Variants in CPEB1 observed in about 807,000 individuals in gnomAD.
The protein encoded by CPEB1 is cytoplasmic polyadenylation element-binding protein 1.
In CPEB1, 7 loss-of-function variants were observed where a neutral mutation model predicts 65.8. The ratio of observed to expected loss-of-function variants is 0.11; its 90% confidence interval spans 0.06 to 0.20. The LOEUF (loss-of-function observed/expected upper bound fraction) is 0.20. CPEB1 is among the 10% of genes least tolerant of loss of function. The probability of loss-of-function intolerance (pLI) is 1.00; values close to 1 mark genes in which losing one functional copy is unlikely to be tolerated. For synonymous variants in CPEB1, 262 were observed against 260.0 expected, an observed-to-expected ratio of 1.01 and a Z score of -0.08; for missense variants, 551 against 712.2, an observed-to-expected ratio of 0.77 and a Z score of 2.58.
chr15:82,605,406 G>A (rs918040572), intron 3 of CPEB1, among the ~76,000 whole-genome samples: 8 of 152,008 alleles, frequency 5.3e-5, no homozygotes, highest in Non-Finnish European at 1.2e-4. Flanking sequence ...GGGATAAGAA[G>A]GTATTGGTAA....
chr15:82,582,247 C>G (rs992699772), intron 3 of CPEB1, among the ~76,000 whole-genome samples: 1 of 152,116 alleles, frequency 6.6e-6, no homozygotes, highest in Non-Finnish European at 1.5e-5. Flanking sequence ...AAAGTAAGTT[C>G]TAATTTGGTG....
chr15:82,576,799 G>A (rs4779034), intron 3 of CPEB1, among the ~76,000 whole-genome samples: 29,633 of 152,162 alleles, frequency 0.19, 3,163 homozygotes, highest in African/African-American at 0.28. Context: ...AACGCAGGTG[G>A]ATAGCTTGAG....
chr15:82,594,557 C>T (rs2042530707), intron 3 of CPEB1, among the ~76,000 whole-genome samples: 1 of 152,104 alleles, frequency 6.6e-6, no homozygotes, highest in East Asian at 1.9e-4. Flanking sequence ...TCAAACTTTC[C>T]CATATCAGCA....
intron 10 of CPEB1, 52 bp from the exon 11 acceptor site, chr15:82,547,289 CTTTTTTTT>C (rs71156035): frequency 1.1e-4 from 42 of 390,344 alleles, no homozygotes; most frequent in Middle Eastern, 7.9e-4. Context: ...CCAAATGCTA[CTTTTTTTT>C]TTTTTTTTTT....
At chr15:82,626,872 AATTTT>A (rs2151316755) in intron 3 of CPEB1, among the ~76,000 whole-genome samples, 1 of 152,346 alleles carries the variant, frequency 6.6e-6, no homozygotes, top group African/African-American at 2.4e-5. Flanking sequence ...TCTGTATCTT[AATTTT>A]AACATGGCTA....
chr15:82,605,846 C>A (rs2043535304), intron 3 of CPEB1, among the ~76,000 whole-genome samples: 1 of 151,968 alleles, frequency 6.6e-6, no homozygotes, highest in Admixed American at 6.6e-5. Context: ...CGAGACCAGC[C>A]TGACCAACAT....
chr15:82,647,423 G>A (rs956743045), upstream of CPEB1: 7 of 157,056 alleles, frequency 4.5e-5, no homozygotes, highest in Non-Finnish European at 8.4e-5. Context: ...CCGCGCGCCG[G>A]GTGCTAAAGA....
intron 4 of CPEB1, among the ~76,000 whole-genome samples, chr15:82,567,657 G>C (rs1053961336): frequency 1.1e-4 from 17 of 151,784 alleles, no homozygotes; most frequent in African/African-American, 4.1e-4. Context: ...GAAAAGAAAA[G>C]AAAACCAGAG....
intron 3 of CPEB1, among the ~76,000 whole-genome samples, chr15:82,582,745 T>C (rs975972128): frequency 1.0e-4 from 15 of 145,656 alleles, no homozygotes; most frequent in Admixed American, 8.9e-4. Flanking sequence ...TTCTTTTTTT[T>C]TTTTTTTTTT....
intron 1 of CPEB1, among the ~76,000 whole-genome samples, chr15:82,640,456 T>A (rs769700314): frequency 1.3e-4 from 20 of 152,166 alleles, no homozygotes; most frequent in Admixed American, 4.6e-4. Flanking sequence ...GTACTTCTAG[T>A]TGCCTAAAAA....
chr15:82,548,525 G>A (rs2035679129), intron 10 of CPEB1: 1 of 274,398 alleles, frequency 3.6e-6, no homozygotes, highest in Admixed American at 5.1e-5. Flanking sequence ...AAGATGGGAA[G>A]GAAAGATAAG....
intron 4 of CPEB1, among the ~76,000 whole-genome samples, chr15:82,563,236 C>T (rs570353914): frequency 6.2e-4 from 94 of 151,896 alleles, no homozygotes; most frequent in African/African-American, 2.2e-3. Flanking sequence ...AAGGACATTA[C>T]TGGGTCACTT....
rs202088154 is a variant in CPEB1, at chr15:82,552,435, A to G, written c.1281+45T>C. The G allele has an allele frequency of 1.5e-3, 2,191 of 1,494,162 alleles. 24 individuals are homozygous for G. The South Asian group carries it at 0.021, about 14-fold the overall frequency. The allele number at this position is 1,494,162 out of a possible 1,614,324, so 92.6% of individuals were successfully genotyped here. A position where few individuals can be genotyped will look rare whatever the true frequency, so the allele number is the denominator to read the frequency against. ...TACCACAAGAAAATCCAGTGCCTCA[A>G]TATTCCAAGACCCTCGATCCAGAAA... On this transcript the variant is annotated intron_variant, in intron 9 of 12. Transcript: ENST00000684509.
chr15:82,560,809 G>A (rs2038066604), intron 4 of CPEB1, among the ~76,000 whole-genome samples: 2 of 152,226 alleles, frequency 1.3e-5, no homozygotes, highest in African/African-American at 4.8e-5. Flanking sequence ...AGGAACCAGT[G>A]TCCAGCAAAG....
intron 4 of CPEB1, among the ~76,000 whole-genome samples, 166 bp from the exon 5 acceptor site, chr15:82,558,152 C>T (rs1364352216): frequency 6.6e-6 from 1 of 152,236 alleles, no homozygotes; most frequent in Non-Finnish European, 1.5e-5. Context: ...GCTCTGAGAC[C>T]TGGCCGCAAG....
chr15:82,626,414 C>T (rs943280101), intron 3 of CPEB1, among the ~76,000 whole-genome samples: 3 of 152,058 alleles, frequency 2.0e-5, no homozygotes, highest in African/African-American at 7.2e-5. Flanking sequence ...AACCTGGCAA[C>T]AGAGTGAGAC....
At chr15:82,606,817 C>CAAAAAAAAAAAA (rs56078202) in intron 3 of CPEB1, among the ~76,000 whole-genome samples, 1 of 82,984 alleles carries the variant, frequency 1.2e-5, no homozygotes, top group African/African-American at 4.8e-5. Context: ...GACTCCGTCT[C>CAAAAAAAAAAAA]AAAAAAAAAA....
At chr15:82,546,413 G>A (rs142217377) in intron 12 of CPEB1, 28 bp downstream of exon 12, 37,851 of 1,585,378 alleles carry the variant, frequency 0.024, 512 homozygotes, top group Non-Finnish European at 0.028. Flanking sequence ...TTAATAGAGG[G>A]CAGGGACTTC....
In CPEB1 at chr15:82,556,212, T is replaced by C. The variant is rs2037172074; in HGVS notation, c.688-90A>G. ...TATAGAAATTATTAAAAACATCCAATAGACATTTAGCATTTGATATATATT... is the reference window on the plus strand; with the variant it reads ...TATAGAAATTATTAAAAACATCCAACAGACATTTAGCATTTGATATATATT... On this transcript the variant is annotated intron_variant, in intron 5 of 12. Transcript: ENST00000684509. 6.7e-6 allele frequency: 9 copies of C among 1,350,146 alleles called. No homozygotes were observed. In the Admixed American group the frequency reaches 9.5e-5, roughly 14 times the overall value. 83.6% of individuals were successfully genotyped at this position (1,350,146 alleles called of 1,614,324 possible).
Sources: allele counts gnomAD v4.1 joint callset (sites outside exome capture counted in the v4.1 genomes callset), GRCh38; gene constraint gnomAD v4.1.1; transcripts MANE v1.5; gene names NCBI Gene and HGNC (gene_info 2026-07-23, HGNC 2026-07-21).